Variants in TBXAS1 observed in about 807,000 individuals in gnomAD.
TBXAS1 encodes thromboxane A synthase 1, also known as thromboxane-A synthase.
A neutral mutation model predicts 60.7 loss-of-function variants in TBXAS1; 48 were observed. The observed-to-expected ratio is 0.79, with a 90% CI of 0.63 to 1.01. The LOEUF is 1.01. Among genes scored for constraint, TBXAS1 ranks in the 50% least tolerant of loss-of-function variants. The probability of loss-of-function intolerance (pLI) is 0.00; values close to 1 mark genes in which losing one functional copy is unlikely to be tolerated. For synonymous variants in TBXAS1, 287 were observed against 269.7 expected, an observed-to-expected ratio of 1.06 and a Z score of -0.63; for missense variants, 685 against 686.3, an observed-to-expected ratio of 1.00 and a Z score of 0.02.
intron 1 of TBXAS1, among the ~76,000 whole-genome samples, chr7:139,831,730 G>A (rs1439063325): frequency 3.3e-5 from 5 of 152,230 alleles, no homozygotes; most frequent in African/African-American, 7.2e-5. Flanking sequence ...TCAGAAGTTC[G>A]AGACCAGCCT....
intron 9 of TBXAS1, among the ~76,000 whole-genome samples, chr7:139,994,883 GC>G (rs1210438979): frequency 6.6e-6 from 1 of 152,114 alleles, no homozygotes; most frequent in Non-Finnish European, 1.5e-5. Context: ...TGAAAATGCT[GC>G]CCCCTCCCTT....
At chr7:139,936,960 C>T (rs1807843854) in intron 5 of TBXAS1, among the ~76,000 whole-genome samples, 1 of 152,082 alleles carries the variant, frequency 6.6e-6, no homozygotes. Flanking sequence ...CTCTAAGGCC[C>T]TGGACACTCT....
intron 10 of TBXAS1, among the ~76,000 whole-genome samples, chr7:140,008,533 T>C (rs1814276990): frequency 6.6e-6 from 1 of 150,948 alleles, no homozygotes; most frequent in South Asian, 2.1e-4. Context: ...CTGAAACTTC[T>C]GCCTCTTGGG....
chr7:139,950,695 A>T (rs1584932260), intron 5 of TBXAS1, among the ~76,000 whole-genome samples: 1 of 145,976 alleles, frequency 6.9e-6, no homozygotes, highest in Non-Finnish European at 1.5e-5. Flanking sequence ...CTCGCCCTCC[A>T]TCTACGGGAC....
At chr7:139,893,646 C>A (rs759338801) in intron 3 of TBXAS1, among the ~76,000 whole-genome samples, 1 of 152,146 alleles carries the variant, frequency 6.6e-6, no homozygotes, top group Non-Finnish European at 1.5e-5. Context: ...ATTACATTTG[C>A]ACCAAGAACA....
chr7:139,872,106 G>T, intron 1 of TBXAS1, 129 bp from the exon 2 acceptor site: 1 of 924,638 alleles, frequency 1.1e-6, no homozygotes, highest in Admixed American at 2.0e-5. Context: ...TTGGTTCTTA[G>T]ATGTGGTGAC....
chr7:139,828,268 C>G (rs767566443), upstream of TBXAS1, among the ~76,000 whole-genome samples: 1 of 152,144 alleles, frequency 6.6e-6, no homozygotes, highest in Non-Finnish European at 1.5e-5. Context: ...TTGTTCAATT[C>G]TATTGCTGAG....
In TBXAS1 at chr7:139,955,623, G is replaced by C. The variant is rs1809805881; in HGVS notation, c.688+16G>C. 8 of 1,613,586 alleles carry C rather than the reference G, an allele frequency of 5.0e-6. No homozygotes were observed. The highest frequency in any genetic ancestry group is 6.8e-6 in the Non-Finnish European group (8 of 1,180,018). On this transcript the variant is annotated intron_variant, in intron 7 of 12. Coordinates refer to ENST00000448866, the MANE Select transcript of TBXAS1 (RefSeq NM_001061.7). ...GTTTTACTCTGTAAGTGCGGCTGCA[G>C]CCCGGGGCGCTGCGATGACTCCAGC...
chr7:140,002,415 T>C (rs1314549015), intron 9 of TBXAS1, among the ~76,000 whole-genome samples: 2 of 152,252 alleles, frequency 1.3e-5, no homozygotes, highest in Non-Finnish European at 2.9e-5. Flanking sequence ...GCTGGGAGGA[T>C]TTCCAAGGTC....
intron 4 of TBXAS1, among the ~76,000 whole-genome samples, chr7:139,815,585 C>T (rs1798125752): frequency 6.6e-6 from 1 of 152,188 alleles, no homozygotes; most frequent in South Asian, 2.1e-4. Flanking sequence ...ACTTCCATCC[C>T]ACACACACCT....
At chr7:139,895,784 G>C (rs966500596) in intron 3 of TBXAS1, among the ~76,000 whole-genome samples, 3 of 152,218 alleles carry the variant, frequency 2.0e-5, no homozygotes, top group African/African-American at 7.2e-5. Context: ...TCCCCACAGA[G>C]GACTCTTTGC....
rs1809978008 is a variant in TBXAS1, at chr7:139,957,682, A to G, written c.737A>G (p.Lys246Arg). 1 of 1,614,182 alleles carries G rather than the reference A, an allele frequency of 6.2e-7. No homozygotes were observed. Among genetic ancestry groups the G allele is most frequent in the African/African-American group, 1.3e-5 (1 of 75,032 alleles). Residue 246 changes from lysine to arginine, a missense_variant, in exon 8 of 13, where the codon AAG becomes AGG. Lys to Arg is a conservative substitution (Grantham distance 26). Coordinates refer to ENST00000448866, the MANE Select transcript of TBXAS1 (RefSeq NM_001061.7). ...MVPLARILPN[K>R]NRDELNGFFN... Reference sequence around the variant, plus strand: ...CCACTGGCCCGGATTTTGCCCAATAAGAACCGAGACGAACTGAATGGCTTT... The same window carrying G: ...CCACTGGCCCGGATTTTGCCCAATAGGAACCGAGACGAACTGAATGGCTTT...
chr7:139,929,330 C>G (rs1324887447), intron 4 of TBXAS1, among the ~76,000 whole-genome samples: 1 of 152,126 alleles, frequency 6.6e-6, no homozygotes, highest in Non-Finnish European at 1.5e-5. Flanking sequence ...CTGTCGTTCC[C>G]CTATTGGCTG....
chr7:139,853,640 C>T (rs1259306429), intron 1 of TBXAS1, among the ~76,000 whole-genome samples: 1 of 152,100 alleles, frequency 6.6e-6, no homozygotes, highest in African/African-American at 2.4e-5. Context: ...CAGGGGCAGC[C>T]CCAGCTGACC....
At chr7:139,819,656 C>G (rs1798244007) in intron 4 of TBXAS1, among the ~76,000 whole-genome samples, 1 of 152,166 alleles carries the variant, frequency 6.6e-6, no homozygotes, top group Non-Finnish European at 1.5e-5. Context: ...GTGCACGCCA[C>G]CATGCCCGGC....
intron 1 of TBXAS1, among the ~76,000 whole-genome samples, chr7:139,860,083 T>TGA (rs1800857822): frequency 1.3e-5 from 2 of 152,120 alleles, no homozygotes; most frequent in South Asian, 4.1e-4. Flanking sequence ...TGCAGTGAAC[T>TGA]GAGATTGTGC....
chr7:139,800,631 T>G (rs997118676), intron 4 of TBXAS1, among the ~76,000 whole-genome samples: 1 of 152,224 alleles, frequency 6.6e-6, no homozygotes, highest in African/African-American at 2.4e-5. Context: ...CCCCGGAGTG[T>G]TTGTCTTGTT....
intron 11 of TBXAS1, among the ~76,000 whole-genome samples, chr7:140,016,233 C>A (rs1268551441): frequency 3.3e-5 from 5 of 151,948 alleles, no homozygotes; most frequent in African/African-American, 1.2e-4. Flanking sequence ...GAGGCTGAGG[C>A]AGGAGAATGG....
chr7:139,978,412 A>G (rs866737320), intron 9 of TBXAS1, among the ~76,000 whole-genome samples: 2 of 151,848 alleles, frequency 1.3e-5, no homozygotes, highest in Non-Finnish European at 2.9e-5. Flanking sequence ...CGGGAGGCTG[A>G]GGCAGGAGAA....
Sources: gnomAD v4.1 joint callset for allele counts (sites outside exome capture counted in the v4.1 genomes callset) on GRCh38, gnomAD v4.1.1 for gene constraint, MANE v1.5 for transcripts, NCBI Gene and HGNC (gene_info 2026-07-23, HGNC 2026-07-21) for gene names.